Variants in C4orf51 observed in about 807,000 individuals in gnomAD.
The protein encoded by C4orf51 is uncharacterized protein C4orf51.
C4orf51 carries 25 observed loss-of-function variants against 25.2 expected under a neutral mutation model. That is an observed-to-expected ratio of 0.99 (90% CI 0.72 to 1.39). The LOEUF (loss-of-function observed/expected upper bound fraction) is 1.39, where lower values mean the gene tolerates loss of function less well. Ranked by LOEUF, C4orf51 falls within the 40% of genes most tolerant of loss-of-function variation. The pLI, the probability that C4orf51 is intolerant of heterozygous loss-of-function variation, is 0.00. For synonymous variants in C4orf51, 100 were observed against 84.5 expected, an observed-to-expected ratio of 1.18 and a Z score of -1.01; for missense variants, 252 against 239.6, an observed-to-expected ratio of 1.05 and a Z score of -0.34.
intron 1 of C4orf51, among the ~76,000 whole-genome samples, chr4:145,752,135 T>C (rs1284233881): frequency 6.6e-6 from 1 of 152,180 alleles, no homozygotes; most frequent in Non-Finnish European, 1.5e-5. Context: ...TGCTTGGTGC[T>C]CTACCCCACT....
At chr4:145,781,490 T>G in the C4orf51 span, among the ~76,000 whole-genome samples, 53 of 152,172 alleles carry the variant, frequency 3.5e-4, no homozygotes, top group Non-Finnish European at 7.1e-4. Context: ...CTGCCAGCAA[T>G]CCCAACACTG....
the C4orf51 span, among the ~76,000 whole-genome samples, chr4:145,791,468 G>C: frequency 1.3e-5 from 2 of 152,128 alleles, no homozygotes; most frequent in African/African-American, 4.8e-5. Flanking sequence ...TAGGAGAGGA[G>C]GAAAGGGATT....
At chr4:145,692,952 A>AGTTTTTT (rs1560823143) in intron 1 of C4orf51, among the ~76,000 whole-genome samples, 14 of 25,786 alleles carry the variant, frequency 5.4e-4, no homozygotes, top group East Asian at 1.5e-3. Context: ...TTAAGTTTTT[A>AGTTTTTT]GTTTTTTTTT....
intron 2 of C4orf51, among the ~76,000 whole-genome samples, chr4:145,709,977 T>A (rs566933922): frequency 6.6e-6 from 1 of 151,570 alleles, no homozygotes; most frequent in Non-Finnish European, 1.5e-5. Flanking sequence ...TGCACAGAGG[T>A]TGAATGTCTC....
intron 2 of C4orf51, among the ~76,000 whole-genome samples, chr4:145,724,710 C>T (rs1228284916): frequency 6.6e-6 from 1 of 151,500 alleles, no homozygotes; most frequent in East Asian, 1.9e-4. Flanking sequence ...AGTGAGAACT[C>T]ATTTCTATGA....
At chr4:145,733,980 A>G (rs541678375), downstream of C4orf51, among the ~76,000 whole-genome samples, 2 of 152,344 alleles carry the variant, frequency 1.3e-5, no homozygotes, top group African/African-American at 4.8e-5. Flanking sequence ...GGTAATGGCT[A>G]TCATTAATTC....
At chr4:145,684,262 C>T (rs1283986562) in intron 1 of C4orf51, among the ~76,000 whole-genome samples, 1 of 152,086 alleles carries the variant, frequency 6.6e-6, no homozygotes, top group Admixed American at 6.5e-5. Flanking sequence ...GCAGGCAGAT[C>T]ATGAGGTCAG....
At chr4:145,750,819 GTTTAATTCTT>G (rs1733632880) in intron 1 of C4orf51, among the ~76,000 whole-genome samples, 1 of 151,974 alleles carries the variant, frequency 6.6e-6, no homozygotes, top group Non-Finnish European at 1.5e-5. Flanking sequence ...TTGTAGGAAT[GTTTAATTCTT>G]TTTAATTCTT....
downstream of C4orf51, chr4:145,776,032 A>C (rs1737034027): frequency 1.3e-6 from 2 of 1,550,934 alleles, no homozygotes; most frequent in Non-Finnish European, 1.8e-6. Flanking sequence ...TGCAAGAATC[A>C]GTTAAAGGTA....
At chr4:145,756,164 T>C (rs1733935536), downstream of C4orf51, among the ~76,000 whole-genome samples, 1 of 152,230 alleles carries the variant, frequency 6.6e-6, no homozygotes, top group Admixed American at 6.5e-5. Flanking sequence ...GGGACATATG[T>C]GCTCACCATG....
At chr4:145,700,525 A>C (rs944741695) in intron 2 of C4orf51, among the ~76,000 whole-genome samples, 5 of 152,194 alleles carry the variant, frequency 3.3e-5, no homozygotes, top group Non-Finnish European at 7.3e-5. Context: ...CAAACTCAAC[A>C]GTAGTTCCAA....
At chr4:145,767,753 T>A (rs985607961) in intron 1 of C4orf51, among the ~76,000 whole-genome samples, 2 of 152,118 alleles carry the variant, frequency 1.3e-5, no homozygotes, top group African/African-American at 2.4e-5. Context: ...TAAAATCTTA[T>A]ACCCAGTGAA....
rs1200707884 is a variant in C4orf51 at position 145,765,734 on chromosome 4, T to G, written n.167-5254T>G. The G allele has an allele frequency of 6.2e-7, 1 of 1,613,000 alleles. No individual in the cohort carries two copies. Among genetic ancestry groups the G allele is most frequent in the Non-Finnish European group, 8.5e-7 (1 of 1,179,520 alleles). ...TTGATTCGCTGGGGGTCTTCCTGTC[T>G]TCCCCTGAAAAATAAGCAAATAACC... On this transcript the variant is annotated intron_variant and non_coding_transcript_variant, in intron 1 of 1. Transcript: ENST00000510096. The surrounding 1 kb of genome is among the most constrained non-coding windows in gnomAD (Gnocchi z 4.7).
At chr4:145,760,690 C>A in intron 1 of C4orf51, 1 of 968,030 alleles carries the variant, frequency 1.0e-6, no homozygotes, top group Non-Finnish European at 1.3e-6. Context: ...CAGCAACATA[C>A]ACCTGCTGGG....
At chr4:145,770,256 G>A (rs751477584) in intron 1 of C4orf51, among the ~76,000 whole-genome samples, 3 of 151,792 alleles carry the variant, frequency 2.0e-5, no homozygotes, top group South Asian at 2.1e-4. Flanking sequence ...CCAAGATCAC[G>A]CCACTTCACT....
chr4:145,771,484 T>C (rs1490791427), downstream of C4orf51, among the ~76,000 whole-genome samples: 1 of 152,250 alleles, frequency 6.6e-6, no homozygotes, highest in Non-Finnish European at 1.5e-5. Context: ...GATTCCTCAA[T>C]GCCATTTATT....
At chr4:145,730,711 A>AG (rs397781510) in intron 5 of C4orf51, among the ~76,000 whole-genome samples, 6 of 151,464 alleles carry the variant, frequency 4.0e-5, no homozygotes, top group Non-Finnish European at 8.8e-5. Context: ...TTAAAAAAAA[A>AG]ACCCTGACCA....
intron 1 of C4orf51, among the ~76,000 whole-genome samples, chr4:145,689,763 G>A (rs1729412206): frequency 6.6e-6 from 1 of 152,060 alleles, no homozygotes; most frequent in South Asian, 2.1e-4. Context: ...AATAAAAAAG[G>A]AGAAAGGACA....
chr4:145,711,414 T>C (rs1731120566), intron 2 of C4orf51, among the ~76,000 whole-genome samples: 2 of 152,210 alleles, frequency 1.3e-5, no homozygotes, highest in East Asian at 3.9e-4. Context: ...TTGGGAATTT[T>C]TTATCTTCAT....
Sources: gnomAD v4.1 joint callset for allele counts (sites outside exome capture counted in the v4.1 genomes callset) on GRCh38, gnomAD v4.1.1 for gene constraint, Gnocchi (gnomAD v3.1) non-coding constraint, MANE v1.5 for transcripts, NCBI Gene and HGNC (gene_info 2026-07-23, HGNC 2026-07-21) for gene names.